The following BPTF variants were observed in gnomAD, a reference collection of about 807,000 sequenced individuals.
BPTF encodes nucleosome-remodeling factor subunit BPTF.
BPTF carries 18 observed loss-of-function variants against 292.5 expected under a neutral mutation model. That is an observed-to-expected ratio of 0.06 (90% CI 0.04 to 0.09). The LOEUF is 0.09. Among genes scored for constraint, BPTF ranks in the 10% least tolerant of loss-of-function variants. BPTF has a pLI of 1.00. For missense variants in BPTF, 2,726 were observed against 3,498.7 expected, an observed-to-expected ratio of 0.78 and a Z score of 5.57; for synonymous variants, 1,225 against 1,251.9, an observed-to-expected ratio of 0.98 and a Z score of 0.45.
At chr17:67,875,657 A>T (rs759560898) in intron 4 of BPTF, 1 of 1,608,564 alleles carries the variant, frequency 6.2e-7, no homozygotes, top group Non-Finnish European at 8.5e-7. Flanking sequence ...TGAAGGGAGG[A>T]GCCCTGTGGG....
intron 18 of BPTF, among the ~76,000 whole-genome samples, chr17:67,933,172 C>T (rs148646895): frequency 0.011 from 1,718 of 151,624 alleles, 27 homozygotes; most frequent in African/African-American, 0.039. Context: ...GCAGGAGAGT[C>T]GCTTGAACCC....
chr17:67,945,483 C>G lies in BPTF; in HGVS notation c.6775C>G (p.Gln2259Glu), dbSNP rs782581864. 8.1e-6 allele frequency: 13 copies of G among 1,614,140 alleles called. No individual in the cohort carries two copies. Among genetic ancestry groups the G allele is most frequent in the South Asian group, 5.5e-5 (5 of 91,072 alleles). The change falls in exon 21 of 28, where the codon CAG becomes GAG. Residue 2259 changes from glutamine (Q) to glutamate (E), a missense_variant. Gln to Glu is a conservative substitution (Grantham distance 29). Coordinates refer to ENST00000306378, the MANE Select transcript of BPTF (RefSeq NM_182641.4). ...TCAAGACAAAACCCTGCCACCAGCT[C>G]AGTCATCAAGTGTGGGTCCAGCAGA... is the stretch of plus-strand genomic sequence containing the variant. ...VHQDKTLPPA[Q>E]SSSVGPAEAQ...
At chr17:67,872,331 A>AT (rs1287634743) in intron 3 of BPTF, among the ~76,000 whole-genome samples, 2 of 152,202 alleles carry the variant, frequency 1.3e-5, no homozygotes, top group Non-Finnish European at 2.9e-5. Flanking sequence ...AACTAAAACA[A>AT]TTTTTTTGGT....
intron 2 of BPTF, among the ~76,000 whole-genome samples, chr17:67,861,054 C>A (rs1047327477): frequency 6.6e-6 from 1 of 152,188 alleles, no homozygotes; most frequent in Non-Finnish European, 1.5e-5. Context: ...AAGGCAGGCA[C>A]CTCAAACGTG....
chr17:67,858,572 A>AT (rs1312180618), intron 2 of BPTF, among the ~76,000 whole-genome samples: 1 of 147,716 alleles, frequency 6.8e-6, no homozygotes. Flanking sequence ...AAAAAAAAAA[A>AT]AAAAAAGTTT....
rs149625281 is a variant in BPTF at position 67,962,092 on chromosome 17, G to A, written c.8262-2120G>A. Among the ~76,000 whole-genome samples the A allele has an allele frequency of 2.6e-3, 392 of 152,264 alleles. 1 individual carries two copies. The highest frequency in any genetic ancestry group is 8.8e-3 in the African/African-American group (365 of 41,558). Reference sequence around the variant, plus strand: ...TGGGAGGTCCAGGCTGCAGGGGGCCGTGATCCTGCCCCTGCTCTGCAGCCT... The same window carrying A: ...TGGGAGGTCCAGGCTGCAGGGGGCCATGATCCTGCCCCTGCTCTGCAGCCT... On this transcript the variant is annotated intron_variant, in intron 24 of 27. Coordinates refer to ENST00000306378, the MANE Select transcript of BPTF (RefSeq NM_182641.4).
intron 25 of BPTF, among the ~76,000 whole-genome samples, chr17:67,964,800 C>T (rs560788423): frequency 7.7e-4 from 115 of 148,762 alleles, no homozygotes; most frequent in African/African-American, 2.6e-3. Flanking sequence ...GGAGATCAGA[C>T]CATCCTGGCT....
Position 67,919,287 on chromosome 17 carries a change from G to C in BPTF, c.5428+449G>C, listed in dbSNP as rs147843964. ...GTGGTGGCTCTCACCTGTAATCCTA[G>C]CACTTTGGGAGGCCAAGGCAGGAGG... On this transcript the variant is annotated intron_variant, in intron 12 of 27. Coordinates refer to ENST00000306378, the MANE Select transcript of BPTF (RefSeq NM_182641.4). Among the ~76,000 whole-genome samples, 698 of 151,894 alleles carry C rather than the reference G, an allele frequency of 4.6e-3. 5 individuals carry two copies. Among genetic ancestry groups the C allele is most frequent in the African/African-American group, 0.016 (655 of 41,470 alleles).
chr17:67,841,036 C>T (rs2057515353), intron 1 of BPTF, among the ~76,000 whole-genome samples: 1 of 152,156 alleles, frequency 6.6e-6, no homozygotes, highest in Admixed American at 6.6e-5. Context: ...TAATTTACCA[C>T]TTTTTTTCTT....
In BPTF at chr17:67,948,274, C is replaced by T. The variant is rs2065959376; in HGVS notation, c.7894C>T (p.Leu2632Phe). ...LRAEILKKRALLDKDLQIEVQ... is the reference protein window; with the variant it reads ...LRAEILKKRAFLDKDLQIEVQ... ...AGCCGAGATCCTGAAGAAGAGAGCA[C>T]TCCTGGACAAGGATCTGCAAATTGA... is the stretch of plus-strand genomic sequence containing the variant. Residue 2632 changes from leucine to phenylalanine, a missense_variant, in exon 23 of 28, where the codon CTC (leucine) becomes TTC (phenylalanine). Physicochemically the swap from Leu to Phe is conservative, Grantham distance 22 (BLOSUM62 0). Transcript: ENST00000306378. The T allele has an allele frequency of 1.2e-6, 2 of 1,613,712 alleles. No individual in the cohort carries two copies. Among genetic ancestry groups the T allele is most frequent in the Admixed American group, 1.7e-5 (1 of 59,978 alleles).
chr17:67,950,419 G>A (rs8066686), intron 23 of BPTF, among the ~76,000 whole-genome samples: 134,444 of 152,174 alleles, frequency 0.88, 61,786 homozygotes, highest in East Asian at 1. Flanking sequence ...TAGCATTTCT[G>A]GAAGTTCTGG....
intron 1 of BPTF, among the ~76,000 whole-genome samples, chr17:67,828,826 T>G (rs2056370133): frequency 6.6e-6 from 1 of 152,218 alleles, no homozygotes; most frequent in African/African-American, 2.4e-5. Context: ...CCGTGCCTGG[T>G]CTGACATTTT....
chr17:67,878,396 G>A (rs1250745177), intron 4 of BPTF, among the ~76,000 whole-genome samples: 1 of 152,098 alleles, frequency 6.6e-6, no homozygotes, highest in Non-Finnish European at 1.5e-5. Flanking sequence ...ATTTCTGGAG[G>A]TACAAGCCTA....
chr17:67,826,415 C>T, intron 1 of BPTF, 78 bp downstream of exon 1: 7 of 1,403,152 alleles, frequency 5.0e-6, no homozygotes, highest in Non-Finnish European at 6.6e-6. Flanking sequence ...GTGTGCTGTG[C>T]ATCCTGCTCC....
chr17:67,868,104 TTTA>T (rs2059495109), intron 3 of BPTF, among the ~76,000 whole-genome samples: 1 of 152,206 alleles, frequency 6.6e-6, no homozygotes, highest in African/African-American at 2.4e-5. Context: ...TAATTGGATA[TTTA>T]TTAGGTTATA....
At chr17:67,897,174 C>T in intron 7 of BPTF, among the ~76,000 whole-genome samples, 1 of 101,634 alleles carries the variant, frequency 9.8e-6, no homozygotes, top group East Asian at 1.4e-3. Flanking sequence ...TTAAAAAAAA[C>T]AAAAACAAAA....
At chr17:67,924,244 C>T (rs535086948) in intron 14 of BPTF, among the ~76,000 whole-genome samples, 9 of 152,272 alleles carry the variant, frequency 5.9e-5, no homozygotes, top group East Asian at 1.9e-4. Flanking sequence ...CATGAGCCAC[C>T]GCACCCGGCC....
At chr17:67,892,912 A>G (rs2061216789) in intron 5 of BPTF, among the ~76,000 whole-genome samples, 1 of 152,204 alleles carries the variant, frequency 6.6e-6, no homozygotes, top group South Asian at 2.1e-4. Context: ...TACTATTTTG[A>G]AGTATCCATG....
chr17:67,967,044 G>A (rs1474536746), intron 26 of BPTF, among the ~76,000 whole-genome samples: 2 of 151,350 alleles, frequency 1.3e-5, no homozygotes, highest in African/African-American at 4.9e-5. Context: ...AGGTTGCAGT[G>A]AACAGAGATC....
Sources: allele counts gnomAD v4.1 joint callset (sites outside exome capture counted in the v4.1 genomes callset), GRCh38; gene constraint gnomAD v4.1.1; transcripts MANE v1.5; gene names NCBI Gene and HGNC (gene_info 2026-07-23, HGNC 2026-07-21).